Variants in ANO2 observed in about 807,000 individuals in gnomAD.
The protein encoded by ANO2 is anoctamin 2, also known as anoctamin-2.
In ANO2, 101 loss-of-function variants were observed where a neutral mutation model predicts 124.2. The ratio of observed to expected loss-of-function variants is 0.81; its 90% confidence interval spans 0.69 to 0.96. ANO2 has a LOEUF of 0.96. Among genes scored for constraint, ANO2 ranks in the 40% least tolerant of loss-of-function variants. The pLI is 0.00. For missense variants in ANO2, 1,293 were observed against 1,274.5 expected, an observed-to-expected ratio of 1.01 and a Z score of -0.22; for synonymous variants, 486 against 482.5, an observed-to-expected ratio of 1.01 and a Z score of -0.09.
intron 3 of ANO2, among the ~76,000 whole-genome samples, chr12:5,888,764 T>A (rs573744176): frequency 4.6e-5 from 7 of 152,186 alleles, no homozygotes; most frequent in Non-Finnish European, 1.0e-4. Flanking sequence ...ATTGGTGTAT[T>A]TACAATCCCT....
intron 10 of ANO2, 103 bp downstream of exon 10, chr12:5,799,404 C>T: frequency 1.0e-6 from 1 of 965,934 alleles, no homozygotes; most frequent in South Asian, 1.5e-5. Context: ...AAAAGAAGAT[C>T]CCTCCACTTG....
chr12:5,590,359 C>G (rs1943334557), intron 20 of ANO2, among the ~76,000 whole-genome samples: 1 of 152,174 alleles, frequency 6.6e-6, no homozygotes. Flanking sequence ...AGCAAGCCTA[C>G]TGGATGGGAG....
intron 3 of ANO2, among the ~76,000 whole-genome samples, chr12:5,919,877 T>A (rs570059632): frequency 6.6e-6 from 1 of 152,110 alleles, no homozygotes; most frequent in Non-Finnish European, 1.5e-5. Flanking sequence ...TTTTGTGTAT[T>A]TAGTAGAGAC....
chr12:5,732,905 A>G, intron 13 of ANO2: 1 of 1,613,910 alleles, frequency 6.2e-7, no homozygotes, highest in Non-Finnish European at 8.5e-7. Flanking sequence ...GTTGAGAAAA[A>G]GAGAGGAAAT....
At chr12:5,792,461 C>A (rs1303003773) in intron 10 of ANO2, among the ~76,000 whole-genome samples, 3 of 152,168 alleles carry the variant, frequency 2.0e-5, no homozygotes, top group African/African-American at 4.8e-5. Flanking sequence ...GGTGTGATGA[C>A]CTAAGTCAGC....
chr12:5,878,681 A>G (rs1047238842), intron 3 of ANO2, among the ~76,000 whole-genome samples: 1 of 152,262 alleles, frequency 6.6e-6, no homozygotes, highest in African/African-American at 2.4e-5. Flanking sequence ...CGATCCCTCA[A>G]TGAGCCAACA....
chr12:5,890,750 G>A (rs781681930), intron 3 of ANO2, among the ~76,000 whole-genome samples: 19 of 152,206 alleles, frequency 1.2e-4, no homozygotes, highest in Admixed American at 9.2e-4. Context: ...TTTACTGATG[G>A]ATAAATATCT....
chr12:5,697,740 C>G (rs930514725), intron 14 of ANO2, among the ~76,000 whole-genome samples: 1 of 152,208 alleles, frequency 6.6e-6, no homozygotes, highest in South Asian at 2.1e-4. Flanking sequence ...CCTGGAAAAT[C>G]GGGTCACTCT....
At chr12:5,871,758 G>A (rs1041521183) in intron 3 of ANO2, among the ~76,000 whole-genome samples, 4 of 152,136 alleles carry the variant, frequency 2.6e-5, no homozygotes, top group Non-Finnish European at 4.4e-5. Context: ...TACTCTAAAC[G>A]GTTTGATGGG....
At chr12:5,710,054 T>C (rs1216051000) in intron 14 of ANO2, among the ~76,000 whole-genome samples, 1 of 151,964 alleles carries the variant, frequency 6.6e-6, no homozygotes, top group Admixed American at 6.6e-5. Context: ...GGCTCGTGAG[T>C]GAAGAAAAGT....
chr12:5,585,709 C>T (rs371483008), intron 20 of ANO2, among the ~76,000 whole-genome samples: 1 of 152,194 alleles, frequency 6.6e-6, no homozygotes, highest in African/African-American at 2.4e-5. Context: ...TTCCTCCCAT[C>T]CCTCCATCCT....
chr12:5,730,012 G>C (rs12315674), intron 14 of ANO2, among the ~76,000 whole-genome samples: 2,945 of 152,264 alleles, frequency 0.019, 86 homozygotes, highest in African/African-American at 0.062. Context: ...ATTGGGTACA[G>C]GGTTTCTTTT....
chr12:5,655,012 C>A (rs547017468), intron 14 of ANO2, among the ~76,000 whole-genome samples: 1 of 152,302 alleles, frequency 6.6e-6, no homozygotes, highest in South Asian at 2.1e-4. Flanking sequence ...CCCGTTGCTG[C>A]CTGGCCATAC....
At chr12:5,905,250 C>T (rs994667008) in intron 3 of ANO2, among the ~76,000 whole-genome samples, 8 of 152,246 alleles carry the variant, frequency 5.3e-5, no homozygotes, top group East Asian at 1.9e-4. Flanking sequence ...GCAGGGAGGA[C>T]GGTGTGGAAT....
At chr12:5,817,890 A>G (rs1953660601) in intron 7 of ANO2, among the ~76,000 whole-genome samples, 1 of 152,192 alleles carries the variant, frequency 6.6e-6, no homozygotes, top group African/African-American at 2.4e-5. Context: ...AGCTGACAAC[A>G]TCTAAAATGT....
intron 3 of ANO2, among the ~76,000 whole-genome samples, chr12:5,876,209 T>G (rs553897606): frequency 1.3e-5 from 2 of 152,338 alleles, no homozygotes; most frequent in East Asian, 3.9e-4. Context: ...CCTGCCTTTT[T>G]GGAATAAGAC....
intron 10 of ANO2, among the ~76,000 whole-genome samples, chr12:5,775,494 C>T: frequency 6.8e-6 from 1 of 147,758 alleles, no homozygotes; most frequent in Non-Finnish European, 1.5e-5. Flanking sequence ...TGGAGTCTCG[C>T]TCTGTCGCCC....
intron 3 of ANO2, among the ~76,000 whole-genome samples, chr12:5,885,770 T>C (rs985782499): frequency 2.6e-5 from 4 of 152,198 alleles, no homozygotes; most frequent in African/African-American, 9.7e-5. Context: ...CCATGGCTAA[T>C]TAAGATTCCT....
chr12:5,776,639 T>C (rs1253128342), intron 10 of ANO2, among the ~76,000 whole-genome samples: 1 of 152,238 alleles, frequency 6.6e-6, no homozygotes, highest in Non-Finnish European at 1.5e-5. Flanking sequence ...ACCAGGATCC[T>C]GGTTACCCGG....
Sources: gnomAD v4.1 joint callset for allele counts (sites outside exome capture counted in the v4.1 genomes callset) on GRCh38, gnomAD v4.1.1 for gene constraint, MANE v1.5 for transcripts, NCBI Gene and HGNC (gene_info 2026-07-23, HGNC 2026-07-21) for gene names.